ANTXR1: variants seen among roughly 807,000 people sequenced by gnomAD.
ANTXR1 encodes anthrax toxin receptor 1.
A neutral mutation model predicts 78.1 loss-of-function variants in ANTXR1; 19 were observed. That is an observed-to-expected ratio of 0.24 (90% CI 0.17 to 0.36). The LOEUF is 0.36. Ranked by LOEUF, ANTXR1 falls within the 10% of genes least tolerant of loss-of-function variation. The probability of loss-of-function intolerance (pLI) is 1.00; values close to 1 mark genes in which losing one functional copy is unlikely to be tolerated. For synonymous variants in ANTXR1, 273 were observed against 260.5 expected, an observed-to-expected ratio of 1.05 and a Z score of -0.46; for missense variants, 518 against 718.6, an observed-to-expected ratio of 0.72 and a Z score of 3.19.
chr2:69,124,473 G>A (rs1348802674), intron 11 of ANTXR1, 92 bp from the exon 12 acceptor site: 3 of 1,110,006 alleles, frequency 2.7e-6, no homozygotes, highest in African/African-American at 1.5e-5. Context: ...GTATTTAAGA[G>A]CAGAGCCCAA....
intron 2 of ANTXR1, among the ~76,000 whole-genome samples, chr2:69,040,336 G>A (rs566823446): frequency 3.8e-4 from 58 of 152,288 alleles, no homozygotes; most frequent in East Asian, 2.7e-3. Flanking sequence ...ATCTGGTTAC[G>A]AGACCAAAAA....
At chr2:69,094,501 G>A (rs1176604834) in intron 9 of ANTXR1, among the ~76,000 whole-genome samples, 1 of 152,206 alleles carries the variant, frequency 6.6e-6, no homozygotes, top group Non-Finnish European at 1.5e-5. Flanking sequence ...ATGTAAAGAA[G>A]GTAAACTTTG....
chr2:69,245,597 T>C lies in ANTXR1; in HGVS notation c.*112T>C. The stretch of plus-strand genomic sequence containing the variant: ...AAAGCCCACTGACCTTCACACATTC[T>C]AAAAATTGGTTGGCAATGCCAGTAT... On this transcript the variant is annotated 3_prime_UTR_variant, in exon 18 of 18. Transcript: ENST00000303714. 1 of 1,484,762 alleles carries C rather than the reference T, an allele frequency of 6.7e-7. No homozygotes were observed. The highest frequency in any genetic ancestry group is 1.3e-5 in the South Asian group (1 of 78,220). 92.0% of individuals were successfully genotyped at this position (1,484,762 alleles called of 1,614,324 possible). A position where few individuals can be genotyped will look rare whatever the true frequency, so the allele number is the denominator to read the frequency against.
At chr2:69,161,083 C>T (rs530534311) in intron 13 of ANTXR1, among the ~76,000 whole-genome samples, 10 of 152,316 alleles carry the variant, frequency 6.6e-5, no homozygotes, top group South Asian at 4.1e-4. Flanking sequence ...GTCTAAAAAT[C>T]GGCTTTCCCG....
intron 8 of ANTXR1, among the ~76,000 whole-genome samples, chr2:69,081,636 C>A (rs963066503): frequency 3.9e-5 from 6 of 152,154 alleles, no homozygotes; most frequent in African/African-American, 1.2e-4. Context: ...ATAAATATTC[C>A]TATTCCAATG....
intron 12 of ANTXR1, among the ~76,000 whole-genome samples, chr2:69,151,275 T>C (rs996178678): frequency 3.5e-5 from 5 of 142,960 alleles, no homozygotes; most frequent in Non-Finnish European, 7.5e-5. Context: ...AGACTAAAAG[T>C]GGAATAGCCA....
chr2:69,202,211 G>A (rs1307877051), intron 17 of ANTXR1, among the ~76,000 whole-genome samples: 7 of 152,248 alleles, frequency 4.6e-5, no homozygotes, highest in African/African-American at 7.2e-5. Context: ...GCAAGAAGAC[G>A]ACTAAGAAGG....
intron 12 of ANTXR1, among the ~76,000 whole-genome samples, chr2:69,137,621 T>A (rs576994036): frequency 5.2e-4 from 79 of 151,924 alleles, no homozygotes; most frequent in African/African-American, 1.7e-3. Context: ...ACCCTATCTC[T>A]ACAAAAAATA....
At chr2:69,146,813 G>A (rs775590025) in intron 12 of ANTXR1, among the ~76,000 whole-genome samples, 4 of 152,258 alleles carry the variant, frequency 2.6e-5, no homozygotes, top group Non-Finnish European at 5.9e-5. Flanking sequence ...GGCCCAGATG[G>A]TCCCACTTAG....
At chr2:69,125,264 CT>C (rs1447080306) in intron 12 of ANTXR1, among the ~76,000 whole-genome samples, 2 of 152,128 alleles carry the variant, frequency 1.3e-5, no homozygotes, top group African/African-American at 4.8e-5. Flanking sequence ...TCAGATAGCC[CT>C]TCTCTGGAGC....
intron 9 of ANTXR1, among the ~76,000 whole-genome samples, chr2:69,101,086 G>C (rs1106518): frequency 6.6e-6 from 1 of 151,954 alleles, no homozygotes; most frequent in Non-Finnish European, 1.5e-5. Context: ...TATTGTGAAG[G>C]CCTCTTATAC....
In ANTXR1 at chr2:69,089,099, G is replaced by A. The variant is rs186493338; in HGVS notation, c.643-1760G>A. 9.2e-5 allele frequency among the ~76,000 whole-genome samples: 14 copies of A among 152,248 alleles called. No individual in the cohort carries two copies. The East Asian group carries it at 1.7e-3, about 19-fold the overall frequency. On this transcript the variant is annotated intron_variant, in intron 8 of 17. Coordinates refer to ENST00000303714, the MANE Select transcript of ANTXR1 (RefSeq NM_032208.3). ...GAAGGAACTAATTACTTCCAACTGC[G>A]GAGTCAGAAGGATGCTGCAAACAAA...
At chr2:69,126,546 C>T (rs948234469) in intron 12 of ANTXR1, among the ~76,000 whole-genome samples, 1 of 152,030 alleles carries the variant, frequency 6.6e-6, no homozygotes, top group Non-Finnish European at 1.5e-5. Context: ...CAGATTCCTG[C>T]CAGCTTTTGA....
intron 5 of ANTXR1, among the ~76,000 whole-genome samples, chr2:69,072,777 G>A (rs1670607342): frequency 6.6e-6 from 1 of 152,110 alleles, no homozygotes; most frequent in African/African-American, 2.4e-5. Context: ...CATTTCATCA[G>A]GTTTGGCCAT....
chr2:69,186,598 C>G (rs1558631431), intron 16 of ANTXR1, among the ~76,000 whole-genome samples: 1 of 152,240 alleles, frequency 6.6e-6, no homozygotes, highest in Non-Finnish European at 1.5e-5. Flanking sequence ...ACAGCGAGAG[C>G]TGTTACACCT....
At chr2:69,157,837 CTT>C (rs1673568791) in intron 13 of ANTXR1, among the ~76,000 whole-genome samples, 1 of 152,174 alleles carries the variant, frequency 6.6e-6, no homozygotes, top group Non-Finnish European at 1.5e-5. Context: ...ATTAAAGAGA[CTT>C]TTCATTTTTA....
intron 12 of ANTXR1, among the ~76,000 whole-genome samples, chr2:69,151,186 CTTTTTT>C (rs59147668): frequency 3.6e-5 from 3 of 82,568 alleles, no homozygotes; most frequent in African/African-American, 1.5e-4. Flanking sequence ...TGATTATTTT[CTTTTTT>C]TTTTTTTTTT....
At chr2:69,192,853 G>A (rs2104475146) in intron 16 of ANTXR1, among the ~76,000 whole-genome samples, 1 of 152,288 alleles carries the variant, frequency 6.6e-6, no homozygotes, top group African/African-American at 2.4e-5. Flanking sequence ...CTAGAAGACA[G>A]CCAGGGATGT....
intron 17 of ANTXR1, among the ~76,000 whole-genome samples, chr2:69,214,954 C>T (rs1179788148): frequency 6.6e-6 from 1 of 152,148 alleles, no homozygotes; most frequent in Non-Finnish European, 1.5e-5. Context: ...TGCCGAAGTC[C>T]CTCTGTCCTA....
Sources: allele counts gnomAD v4.1 joint callset (sites outside exome capture counted in the v4.1 genomes callset), GRCh38; gene constraint gnomAD v4.1.1; transcripts MANE v1.5; gene names NCBI Gene and HGNC (gene_info 2026-07-23, HGNC 2026-07-21).